The following JADE3 variants were observed in gnomAD, a reference collection of about 807,000 sequenced individuals.
The protein encoded by JADE3 is protein Jade-3.
In JADE3, 2 loss-of-function variants were observed where a neutral mutation model predicts 50.1. The ratio of observed to expected loss-of-function variants is 0.04; its 90% CI spans 0.02 to 0.13. JADE3 has a LOEUF of 0.13. JADE3 is among the 10% of genes least tolerant of loss of function. JADE3 has a pLI of 1.00. For synonymous variants in JADE3, 218 were observed against 232.9 expected, an observed-to-expected ratio of 0.94 and a Z score of 0.58; for missense variants, 475 against 634.4, an observed-to-expected ratio of 0.75 and a Z score of 2.70.
intron 1 of JADE3, among the ~76,000 whole-genome samples, chrX:46,921,967 T>G (rs782351304): frequency 1.9e-5 from 2 of 107,363 alleles, no homozygotes; most frequent in Non-Finnish European, 3.9e-5. Flanking sequence ...ATGTACAGAA[T>G]GTGCAGGTCT....
intron 6 of JADE3, among the ~76,000 whole-genome samples, chrX:47,032,216 A>G (rs1267108237): frequency 8.9e-6 from 1 of 111,841 alleles, no homozygotes; most frequent in Non-Finnish European, 1.9e-5. Context: ...AGTACAAGGA[A>G]CAACAGGCTT....
intron 1 of JADE3, among the ~76,000 whole-genome samples, chrX:46,954,623 C>T: frequency 9.0e-6 from 1 of 111,197 alleles, no homozygotes; most frequent in Middle Eastern, 4.6e-3. Flanking sequence ...GGTGCGATCT[C>T]GGCTCGCTGC....
intron 8 of JADE3, among the ~76,000 whole-genome samples, chrX:47,046,680 C>T (rs1384206614): frequency 8.9e-6 from 1 of 112,112 alleles, no homozygotes; most frequent in East Asian, 2.8e-4. Flanking sequence ...AGATCATTCA[C>T]CATGACCAGT....
At chrX:46,993,070 C>G (rs1488476646) in intron 3 of JADE3, among the ~76,000 whole-genome samples, 3 of 111,825 alleles carry the variant, frequency 2.7e-5, no homozygotes, top group East Asian at 5.6e-4. Context: ...GGTGCTGTGG[C>G]TCATGCCTAT....
intron 1 of JADE3, among the ~76,000 whole-genome samples, chrX:46,938,435 C>T (rs1169723023): frequency 9.0e-6 from 1 of 111,442 alleles, no homozygotes; most frequent in Non-Finnish European, 1.9e-5. Context: ...AATGCAGAAA[C>T]CTTACCACCC....
At chrX:46,961,518 G>A (rs981535071) in intron 1 of JADE3, among the ~76,000 whole-genome samples, 2 of 112,242 alleles carry the variant, frequency 1.8e-5, no homozygotes, top group East Asian at 5.6e-4. Flanking sequence ...TAGTTTTTCA[G>A]CTGGTAAAAA....
At chrX:47,051,799 A>C (rs782285225) in intron 8 of JADE3, among the ~76,000 whole-genome samples, 49 of 76,637 alleles carry the variant, frequency 6.4e-4, no homozygotes, top group African/African-American at 2.2e-3. Flanking sequence ...TCTGTCTCCC[A>C]AAAAAAAAAA....
At chrX:47,004,620 A>G (rs782577651) in intron 4 of JADE3, among the ~76,000 whole-genome samples, 1 of 111,510 alleles carries the variant, frequency 9.0e-6, no homozygotes, top group South Asian at 3.8e-4. Context: ...TTTTGTAGAG[A>G]TGAAGTCTTC....
rs148557902 is a variant in JADE3, at chrX:46,963,923, G to A, written c.-11-20961G>A. Reference sequence around the variant, plus strand: ...AGGAAAGGGCATGGATAAAGAATTGGGGCCATTTTTGCTATCTATCACACA... The same window carrying A: ...AGGAAAGGGCATGGATAAAGAATTGAGGCCATTTTTGCTATCTATCACACA... On this transcript the variant is annotated intron_variant, in intron 1 of 10. Coordinates refer to ENST00000614628, the MANE Select transcript of JADE3 (RefSeq NM_014735.5). Among the ~76,000 whole-genome samples the A allele has an allele frequency of 1.2e-4, 13 of 112,000 alleles. No homozygotes were observed. In the East Asian group the frequency reaches 3.6e-3, roughly 31 times the overall value.
At chrX:47,026,244 A>G (rs367915595) in intron 5 of JADE3, among the ~76,000 whole-genome samples, 1 of 112,087 alleles carries the variant, frequency 8.9e-6, no homozygotes, top group South Asian at 3.7e-4. Flanking sequence ...GCATGAAACT[A>G]CCTTATTATG....
intron 4 of JADE3, among the ~76,000 whole-genome samples, chrX:47,016,687 CTTTT>C (rs201278423): frequency 1.0e-5 from 1 of 98,317 alleles, no homozygotes. Flanking sequence ...TAATGTTTGT[CTTTT>C]TTTTTTTTTT....
chrX:46,970,791 C>T (rs1449250864), intron 1 of JADE3, among the ~76,000 whole-genome samples: 1 of 111,670 alleles, frequency 9.0e-6, no homozygotes, highest in Non-Finnish European at 1.9e-5. Flanking sequence ...GTTTTTCCTT[C>T]TAATAAATTG....
intron 4 of JADE3, among the ~76,000 whole-genome samples, chrX:47,013,675 G>A (rs1928611242): frequency 9.0e-6 from 1 of 111,450 alleles, no homozygotes; most frequent in African/African-American, 3.3e-5. Context: ...GACACAAAAA[G>A]AAGTCAGAAG....
chrX:47,007,957 G>T (rs1241501462), intron 4 of JADE3, among the ~76,000 whole-genome samples: 2 of 109,668 alleles, frequency 1.8e-5, no homozygotes, highest in Non-Finnish European at 3.8e-5. Flanking sequence ...CATTTGAATA[G>T]CCCCAAAGCT....
chrX:47,049,493 A>G (rs1484367747), intron 8 of JADE3, among the ~76,000 whole-genome samples: 3 of 82,450 alleles, frequency 3.6e-5, no homozygotes, highest in African/African-American at 4.8e-5. Context: ...TCTCACTCCT[A>G]TCGCCCAGGC....
At chrX:47,015,103 G>A (rs181435578) in intron 4 of JADE3, among the ~76,000 whole-genome samples, 1 of 112,090 alleles carries the variant, frequency 8.9e-6, no homozygotes, top group Admixed American at 9.5e-5. Context: ...GAATGTTATA[G>A]CAATTCACAA....
At chrX:46,978,687 T>G (rs1927677246) in intron 1 of JADE3, among the ~76,000 whole-genome samples, 1 of 111,496 alleles carries the variant, frequency 9.0e-6, no homozygotes, top group South Asian at 3.8e-4. Context: ...CTGAGGAGAT[T>G]GGGCTTAGAA....
intron 1 of JADE3, among the ~76,000 whole-genome samples, chrX:46,934,116 G>T (rs1318215055): frequency 1.8e-5 from 2 of 111,341 alleles, no homozygotes; most frequent in Non-Finnish European, 3.8e-5. Context: ...TCTTAATGGT[G>T]TCATTCACTA....
chrX:46,927,863 A>G, intron 1 of JADE3, among the ~76,000 whole-genome samples: 1 of 111,955 alleles, frequency 8.9e-6, no homozygotes, highest in Middle Eastern at 4.6e-3. Context: ...GGCAGAGAGG[A>G]TATGTTTTCC....
Sources: gnomAD v4.1 joint callset for allele counts (sites outside exome capture counted in the v4.1 genomes callset) on GRCh38, gnomAD v4.1.1 for gene constraint, MANE v1.5 for transcripts, NCBI Gene and HGNC (gene_info 2026-07-23, HGNC 2026-07-21) for gene names.